Variants in CNTNAP4 observed in about 807,000 individuals in gnomAD.
The protein encoded by CNTNAP4 is contactin-associated protein-like 4.
In CNTNAP4, 98 loss-of-function variants were observed where a neutral mutation model predicts 148.4. That is an observed-to-expected ratio of 0.66 (90% CI 0.56 to 0.78). The LOEUF is 0.78. Among genes scored for constraint, CNTNAP4 ranks in the 30% least tolerant of loss-of-function variants. The pLI, the probability that CNTNAP4 is intolerant of heterozygous loss-of-function variation, is 0.00. For missense variants in CNTNAP4, 1,935 were observed against 1,565.6 expected (o/e 1.24, Z -3.98); for synonymous variants, 730 against 565.1 (o/e 1.29, Z -4.14).
intron 3 of CNTNAP4, among the ~76,000 whole-genome samples, chr16:76,382,522 A>C (rs1048676220): frequency 6.6e-6 from 1 of 152,194 alleles, no homozygotes; most frequent in East Asian, 1.9e-4. Context: ...ATTGGAAATA[A>C]TAATTTTCAA....
chr16:76,428,319 G>A lies in CNTNAP4; in HGVS notation c.538+720G>A, dbSNP rs142885824. ...TAGTTAATATGATTTACAATTAGCA[G>A]ACTAACAGTGTGAGGTTTGAAGAGA... On this transcript the variant is annotated intron_variant, in intron 4 of 23. Transcript: ENST00000611870. 6.9e-3 allele frequency among the ~76,000 whole-genome samples: 1,056 copies of A among 152,132 alleles called. 8 individuals are homozygous for A. Among genetic ancestry groups the A allele is most frequent in the African/African-American group, 0.024 (997 of 41,504 alleles).
chr16:76,560,088 T>C lies in CNTNAP4; in HGVS notation c.*1405T>C, dbSNP rs1281150234. Among the ~76,000 whole-genome samples the C allele has an allele frequency of 6.6e-5, 10 of 152,166 alleles. No individual in the cohort carries two copies. The highest frequency in any genetic ancestry group is 2.0e-4 in the Admixed American group (3 of 15,274). On this transcript the variant is annotated 3_prime_UTR_variant, in exon 24 of 24. Transcript: ENST00000611870. ...TATGGAACTGTTACAATAATTAATC[T>C]TGAGACCATGCATACAAGGAACTAT...
At chr16:76,335,522 G>T (rs1963944334) in intron 2 of CNTNAP4, among the ~76,000 whole-genome samples, 1 of 152,136 alleles carries the variant, frequency 6.6e-6, no homozygotes, top group Non-Finnish European at 1.5e-5. Flanking sequence ...AAGGAAGGAT[G>T]AGGGTAAGAC....
At chr16:76,305,274 T>C (rs887658805) in intron 1 of CNTNAP4, among the ~76,000 whole-genome samples, 2 of 152,208 alleles carry the variant, frequency 1.3e-5, no homozygotes, top group African/African-American at 4.8e-5. Flanking sequence ...TGTATACTTA[T>C]ACTTTCTCCA....
chr16:76,369,883 C>G (rs1044873206), intron 3 of CNTNAP4, among the ~76,000 whole-genome samples: 1 of 151,812 alleles, frequency 6.6e-6, no homozygotes, highest in Non-Finnish European at 1.5e-5. Flanking sequence ...GAGGATTTGC[C>G]CTTTCTCCTC....
At chr16:76,504,088 T>C (rs1385021129) in intron 15 of CNTNAP4, among the ~76,000 whole-genome samples, 1 of 152,002 alleles carries the variant, frequency 6.6e-6, no homozygotes, top group Non-Finnish European at 1.5e-5. Context: ...GAGTAGAAAT[T>C]GGAAAGCTTA....
chr16:76,502,371 T>C (rs1214570451), intron 15 of CNTNAP4, among the ~76,000 whole-genome samples: 4 of 111,538 alleles, frequency 3.6e-5, no homozygotes, highest in South Asian at 2.7e-4. Flanking sequence ...CCATAGGTAC[T>C]TTTTTTTTTT....
intron 1 of CNTNAP4, among the ~76,000 whole-genome samples, chr16:76,278,828 T>C (rs1220436882): frequency 2.0e-5 from 3 of 152,206 alleles, no homozygotes; most frequent in Non-Finnish European, 4.4e-5. Context: ...AGTTCTGATA[T>C]GTGAAAAACA....
At chr16:76,382,436 A>AT (rs917346831) in intron 3 of CNTNAP4, among the ~76,000 whole-genome samples, 3 of 152,126 alleles carry the variant, frequency 2.0e-5, no homozygotes, top group Non-Finnish European at 4.4e-5. Flanking sequence ...AATGACAGCC[A>AT]TTTTTTTACT....
intron 2 of CNTNAP4, among the ~76,000 whole-genome samples, chr16:76,327,024 AG>A (rs1259434858): frequency 6.6e-6 from 1 of 152,224 alleles, no homozygotes; most frequent in African/African-American, 2.4e-5. Flanking sequence ...GTTAAAATTA[AG>A]ATGTGTCATG....
At chr16:76,506,691 G>A (rs1405193848) in intron 15 of CNTNAP4, among the ~76,000 whole-genome samples, 2 of 92,830 alleles carry the variant, frequency 2.2e-5, no homozygotes, top group Admixed American at 1.1e-4. Flanking sequence ...GGCTGGTGTC[G>A]AACCCCAGAC....
intron 10 of CNTNAP4, among the ~76,000 whole-genome samples, chr16:76,470,502 T>G (rs2081329781): frequency 7.2e-6 from 1 of 138,354 alleles, no homozygotes; most frequent in Non-Finnish European, 1.5e-5. Flanking sequence ...TATATAAAAT[T>G]AGTCGGGCAT....
At chr16:76,319,669 A>G (rs981199449) in intron 2 of CNTNAP4, among the ~76,000 whole-genome samples, 2 of 152,174 alleles carry the variant, frequency 1.3e-5, no homozygotes, top group East Asian at 1.9e-4. Context: ...TTGGAGACAT[A>G]CAGAGACAGG....
chr16:76,367,564 ATTCTGACTGACT>A (rs946628382), intron 3 of CNTNAP4, among the ~76,000 whole-genome samples: 1 of 152,230 alleles, frequency 6.6e-6, no homozygotes, highest in African/African-American at 2.4e-5. Context: ...TAAGACTGAC[ATTCTGACTGACT>A]GAATAGGCTT....
chr16:76,453,013 G>A (rs1876272), intron 8 of CNTNAP4, among the ~76,000 whole-genome samples: 36 of 152,008 alleles, frequency 2.4e-4, no homozygotes, highest in East Asian at 1.9e-3. Context: ...TTCCTTTCAC[G>A]ACCCTGTCTC....
intron 13 of CNTNAP4, 134 bp from the exon 14 acceptor site, chr16:76,494,776 T>C: frequency 1.0e-6 from 1 of 952,524 alleles, no homozygotes; most frequent in Non-Finnish European, 1.6e-6. Context: ...GTTTTGCATA[T>C]CCTTAAATCC....
chr16:76,430,558 G>C (rs1189042832), intron 4 of CNTNAP4, among the ~76,000 whole-genome samples: 1 of 152,158 alleles, frequency 6.6e-6, no homozygotes, highest in Non-Finnish European at 1.5e-5. Context: ...TGGGGAGTGG[G>C]TAGGGTTTCT....
intron 3 of CNTNAP4, among the ~76,000 whole-genome samples, chr16:76,370,468 A>G (rs1414667356): frequency 6.6e-6 from 1 of 152,192 alleles, no homozygotes; most frequent in African/African-American, 2.4e-5. Context: ...ACCAAGTAGC[A>G]GCCTGAGGCA....
chr16:76,314,237 A>G (rs186427304), intron 1 of CNTNAP4, among the ~76,000 whole-genome samples: 12 of 152,234 alleles, frequency 7.9e-5, no homozygotes, highest in Non-Finnish European at 1.3e-4. Flanking sequence ...CTATGCCACT[A>G]TTACCACAAA....
Sources: gnomAD v4.1 joint callset for allele counts (sites outside exome capture counted in the v4.1 genomes callset) on GRCh38, gnomAD v4.1.1 for gene constraint, MANE v1.5 for transcripts, NCBI Gene and HGNC (gene_info 2026-07-23, HGNC 2026-07-21) for gene names.